The following BIN3 variants were observed in gnomAD, a reference collection of about 807,000 sequenced individuals.
BIN3 encodes the protein bridging integrator 3.
A neutral mutation model predicts 38.2 loss-of-function variants in BIN3; 41 were observed. The observed-to-expected ratio is 1.07, with a 90% confidence interval of 0.84 to 1.39. The LOEUF is 1.39. Ranked by LOEUF, BIN3 falls within the 40% of genes most tolerant of loss-of-function variation. The pLI, the probability that BIN3 is intolerant of heterozygous loss-of-function variation, is 0.00. For synonymous variants in BIN3, 145 were observed against 122.6 expected (o/e 1.18, Z -1.21); for missense variants, 361 against 324.3 (o/e 1.11, Z -0.87).
chr8:22,662,133 C>T (rs557327391), intron 1 of BIN3, among the ~76,000 whole-genome samples: 24 of 152,302 alleles, frequency 1.6e-4, no homozygotes, highest in African/African-American at 5.8e-4. Context: ...CAATTTATTT[C>T]CCCATTCTCC....
intron 6 of BIN3, chr8:22,625,364 ACT>A (rs1341147634): frequency 1.4e-6 from 1 of 702,260 alleles, no homozygotes; most frequent in Admixed American, 2.0e-5. Flanking sequence ...GGAGCTCATG[ACT>A]CTGTGGCCAT....
intron 1 of BIN3, among the ~76,000 whole-genome samples, chr8:22,646,927 C>A (rs547953927): frequency 8.1e-4 from 121 of 149,932 alleles, no homozygotes; most frequent in African/African-American, 2.9e-3. Flanking sequence ...GGAGACATTG[C>A]AAATGAGGTC....
chr8:22,646,010 A>T (rs955022900), intron 1 of BIN3, among the ~76,000 whole-genome samples: 1 of 152,200 alleles, frequency 6.6e-6, no homozygotes, highest in African/African-American at 2.4e-5. Context: ...TGGGTCTAGG[A>T]GTCTCAACCT....
intron 2 of BIN3, among the ~76,000 whole-genome samples, chr8:22,642,447 G>C (rs754315685): frequency 3.3e-5 from 5 of 152,178 alleles, no homozygotes; most frequent in African/African-American, 4.8e-5. Flanking sequence ...TAACTACTCC[G>C]AGCTGTAGCT....
chr8:22,664,508 C>A (rs1803349701), intron 1 of BIN3, among the ~76,000 whole-genome samples: 1 of 152,236 alleles, frequency 6.6e-6, no homozygotes, highest in Admixed American at 6.5e-5. Context: ...ACCTAGAGGT[C>A]TGCAGGACAC....
intron 2 of BIN3, among the ~76,000 whole-genome samples, chr8:22,641,777 G>T (rs1202950547): frequency 6.6e-6 from 1 of 152,200 alleles, no homozygotes; most frequent in Non-Finnish European, 1.5e-5. Context: ...TTCCTTGTGT[G>T]CAAGACTCAC....
intron 1 of BIN3, among the ~76,000 whole-genome samples, chr8:22,647,487 C>T (rs1802749627): frequency 6.6e-6 from 1 of 152,174 alleles, no homozygotes; most frequent in African/African-American, 2.4e-5. Flanking sequence ...TGGTGTCCAG[C>T]CCAGTTTTCT....
chr8:22,627,160 G>A (rs1802030351), intron 6 of BIN3, among the ~76,000 whole-genome samples: 1 of 152,208 alleles, frequency 6.6e-6, no homozygotes, highest in Non-Finnish European at 1.5e-5. Context: ...CACTGGAGGT[G>A]ATTGCTGATA....
At chr8:22,627,728 G>A (rs1802046698) in intron 6 of BIN3, among the ~76,000 whole-genome samples, 1 of 152,228 alleles carries the variant, frequency 6.6e-6, no homozygotes, top group South Asian at 2.1e-4. Flanking sequence ...GTCCCATTAT[G>A]AGAAGTCAGT....
intron 6 of BIN3, among the ~76,000 whole-genome samples, chr8:22,629,050 G>C (rs1332127470): frequency 6.6e-6 from 1 of 152,242 alleles, no homozygotes; most frequent in Non-Finnish European, 1.5e-5. Context: ...ACAAGAGCTT[G>C]CTAGGGTCAG....
At chr8:22,625,093 G>A (rs1035443906) in intron 6 of BIN3, 8 of 454,344 alleles carry the variant, frequency 1.8e-5, no homozygotes, top group Non-Finnish European at 2.7e-5. Flanking sequence ...AATGCCCTGA[G>A]GACCTCCACT....
chr8:22,664,769 G>C (rs1803358354), intron 1 of BIN3, among the ~76,000 whole-genome samples: 1 of 152,228 alleles, frequency 6.6e-6, no homozygotes, highest in Admixed American at 6.5e-5. Context: ...AGACTGCACT[G>C]CTTGCGCAGA....
chr8:22,652,394 C>A (rs958643560), intron 1 of BIN3, among the ~76,000 whole-genome samples: 11 of 152,240 alleles, frequency 7.2e-5, no homozygotes, highest in African/African-American at 2.4e-4. Flanking sequence ...TCTTTCTACT[C>A]TTTTCTCTTG....
intron 8 of BIN3, 59 bp from the exon 9 acceptor site, chr8:22,621,627 G>A: frequency 6.5e-7 from 1 of 1,540,846 alleles, no homozygotes; most frequent in Non-Finnish European, 8.9e-7. Context: ...TGCTTCAGGG[G>A]GCCAGAGGCT....
At chr8:22,634,372 C>G (rs1224653042) in intron 4 of BIN3, 1 of 414,868 alleles carries the variant, frequency 2.4e-6, no homozygotes, top group Non-Finnish European at 4.8e-6. Context: ...ATGGCACAGA[C>G]CAAGACGGCC....
At chr8:22,634,502 C>CAGT (rs1802306208) in intron 4 of BIN3, 2 of 456,182 alleles carry the variant, frequency 4.4e-6, no homozygotes, top group Admixed American at 4.7e-5. Flanking sequence ...GTTTACACAT[C>CAGT]AGTAACTGGC....
chr8:22,636,718 G>T, intron 3 of BIN3, 132 bp from the exon 4 acceptor site: 2 of 1,064,432 alleles, frequency 1.9e-6, no homozygotes, highest in Non-Finnish European at 2.8e-6. Flanking sequence ...CCCGCTGACT[G>T]AAGTGCCACT....
intron 1 of BIN3, among the ~76,000 whole-genome samples, chr8:22,662,201 C>T (rs1307897871): frequency 2.0e-5 from 3 of 152,194 alleles, no homozygotes; most frequent in Admixed American, 6.5e-5. Context: ...GTGTCCCCTG[C>T]TGCATGGAGG....
In BIN3 at chr8:22,626,872, T is replaced by A. The variant is rs1341943611; in HGVS notation, c.339-2509A>T. ...CCCACAGCTGTCGGCTGGGGCTTAT[T>A]ATTTCCTGTGCCAGAGTCAGAGCCA... On this transcript the variant is annotated intron_variant, in intron 6 of 8. Transcript: ENST00000276416. 3.9e-5 allele frequency among the ~76,000 whole-genome samples: 6 copies of A among 152,154 alleles called. No homozygotes were observed. The East Asian group carries it at 1.2e-3, about 29-fold the overall frequency.
Sources: allele counts gnomAD v4.1 joint callset (sites outside exome capture counted in the v4.1 genomes callset), GRCh38; gene constraint gnomAD v4.1.1; transcripts MANE v1.5; gene names NCBI Gene and HGNC (gene_info 2026-07-23, HGNC 2026-07-21).